Variants in FAT2 observed in about 807,000 individuals in gnomAD.
FAT2 encodes the protein FAT atypical cadherin 2, also known as protocadherin Fat 2.
A neutral mutation model predicts 295.3 loss-of-function variants in FAT2; 150 were observed. The ratio of observed to expected loss-of-function variants is 0.51; its 90% CI spans 0.44 to 0.58. The LOEUF (loss-of-function observed/expected upper bound fraction) is 0.58. Ranked by LOEUF, FAT2 falls within the 20% of genes least tolerant of loss-of-function variation. FAT2 has a pLI of 0.00. For synonymous variants in FAT2, 2,026 were observed against 2,150.3 expected, an observed-to-expected ratio of 0.94 and a Z score of 1.60; for missense variants, 4,868 against 5,442.7, an observed-to-expected ratio of 0.89 and a Z score of 3.32.
intron 20 of FAT2, among the ~76,000 whole-genome samples, chr5:151,513,710 A>G (rs1037277595): frequency 1.3e-5 from 2 of 152,232 alleles, no homozygotes; most frequent in African/African-American, 4.8e-5. Context: ...GGTTACCCGT[A>G]TAACAAACCT....
Position 151,521,250 on chromosome 5 carries a change from G to A in FAT2, c.11317+26C>T, listed in dbSNP as rs74767229. The A allele has an allele frequency of 3.8e-5, 59 of 1,569,804 alleles. No homozygotes were observed. The East Asian group carries it at 5.9e-4, about 16-fold the overall frequency. On this transcript the variant is annotated intron_variant, in intron 19 of 23. Transcript: ENST00000261800. ...CGGGCTGAGCCCAGCAGTGCTGCTC[G>A]TCCCTAGGGAAGATGTAGTACTTAC... is the stretch of plus-strand genomic sequence containing the variant.
At chr5:151,529,113 G>A (rs1754322974) in intron 15 of FAT2, 65 bp downstream of exon 15, 1 of 1,359,558 alleles carries the variant, frequency 7.4e-7, no homozygotes, top group South Asian at 1.2e-5. Flanking sequence ...GGCTGGGTGT[G>A]GGGGTGAGAT....
rs1387669552 is a variant in FAT2 at position 151,528,745 on chromosome 5, T to C, written c.10026+433A>G. ...TGGACAGAACTGGGTTTCACTCCATTGAATGAGGGAGTTATTGCATATTTA... is the reference window on the plus strand; with the variant it reads ...TGGACAGAACTGGGTTTCACTCCATCGAATGAGGGAGTTATTGCATATTTA... On this transcript the variant is annotated intron_variant, in intron 15 of 23. Coordinates refer to ENST00000261800, the MANE Select transcript of FAT2 (RefSeq NM_001447.3). 3.3e-5 allele frequency among the ~76,000 whole-genome samples: 5 copies of C among 152,204 alleles called. No individual in the cohort carries two copies. The East Asian group carries it at 9.7e-4, about 29-fold the overall frequency.
chr5:151,588,474 C>T (rs909968657), intron 1 of FAT2, among the ~76,000 whole-genome samples: 6 of 152,198 alleles, frequency 3.9e-5, no homozygotes, highest in African/African-American at 1.4e-4. Flanking sequence ...GATCTCTAAG[C>T]GCCCTTCCAC....
At chr5:151,532,551 G>A (rs1467297995) in intron 13 of FAT2, among the ~76,000 whole-genome samples, 1 of 152,220 alleles carries the variant, frequency 6.6e-6, no homozygotes, top group Admixed American at 6.5e-5. Flanking sequence ...CATTAGGGAA[G>A]CTGCATGAAG....
At chr5:151,556,425 G>C in intron 3 of FAT2, 23 bp from the exon 4 acceptor site, 1 of 1,598,524 alleles carries the variant, frequency 6.3e-7, no homozygotes, top group Non-Finnish European at 8.6e-7. Flanking sequence ...TGATAAGGGA[G>C]AGACATGAGC....
rs1207728710 is a variant in FAT2 at position 151,568,147 on chromosome 5, G to A, written c.785C>T (p.Thr262Ile). Reference protein sequence around the residue: ...KPPAIASVVVTPPDSNDGTTY... With the variant: ...KPPAIASVVVIPPDSNDGTTY... ...GGTACCATCATTGCTGTCTGGTGGA[G>A]TCACCACCACCGAAGCAATGGCTGG... is the stretch of plus-strand genomic sequence containing the variant. Residue 262 changes from threonine (T) to isoleucine (I), a missense_variant, in exon 2 of 24, where the codon ACT becomes ATT. By Grantham distance (89) the Thr-to-Ile change is moderately conservative (BLOSUM62 -1). Coordinates refer to ENST00000261800, the MANE Select transcript of FAT2 (RefSeq NM_001447.3). 6.2e-7 allele frequency: 1 copy of A among 1,614,176 alleles called. No individual in the cohort carries two copies. Among genetic ancestry groups the A allele is most frequent in the Non-Finnish European group, 8.5e-7 (1 of 1,180,024 alleles).
rs1163615488 is a variant in FAT2 at position 151,542,933 on chromosome 5, G to A, written c.8194C>T (p.Pro2732Ser). The stretch of plus-strand genomic sequence containing the variant: ...AAGACACCATCCTTGTTGCTCTCAG[G>A]TGTAGTGCCCCGCACTAGACTGTAG... ...VIYSLVRGTT[P>S]ESNKDGVFSL... The change falls in exon 10 of 24, where the codon CCT becomes TCT. Residue 2732 changes from proline to serine, a missense_variant. Physicochemically the swap from Pro to Ser is moderately conservative, Grantham distance 74. This residue lies in a region of FAT2 where 3,297 missense variants were observed against 3,669.4 expected (regional missense o/e 0.90). Coordinates refer to ENST00000261800, the MANE Select transcript of FAT2 (RefSeq NM_001447.3). The A allele has an allele frequency of 1.9e-6, 3 of 1,614,080 alleles. No homozygotes were observed. Among genetic ancestry groups the A allele is most frequent in the Admixed American group, 1.7e-5 (1 of 60,006 alleles).
chr5:151,590,998 G>A (rs1759380603), intron 1 of FAT2, among the ~76,000 whole-genome samples, 167 bp downstream of exon 1: 1 of 152,184 alleles, frequency 6.6e-6, no homozygotes, highest in Non-Finnish European at 1.5e-5. Flanking sequence ...AGATGATCCA[G>A]GCCCAGATGT....
intron 14 of FAT2, among the ~76,000 whole-genome samples, chr5:151,530,716 GTTC>G (rs1754498968): frequency 6.6e-6 from 1 of 152,286 alleles, no homozygotes; most frequent in Admixed American, 6.5e-5. Flanking sequence ...TAGAAAAGGA[GTTC>G]TTATTATACA....
At chr5:151,593,125 ACTGTGATCGACTCCCAGGGAGC>A (rs1759478326), upstream of FAT2, among the ~76,000 whole-genome samples, 1 of 152,204 alleles carries the variant, frequency 6.6e-6, no homozygotes. Flanking sequence ...GAGGGGACCT[ACTGTGATCGACTCCCAGGGAGC>A]CTGTGATCAA....
In FAT2 at chr5:151,529,003, G is replaced by A. The variant is rs80262710; in HGVS notation, c.10026+175C>T. Among the ~76,000 whole-genome samples the A allele has an allele frequency of 2.3e-3, 345 of 152,210 alleles. 3 individuals carry two copies. Among genetic ancestry groups the A allele is most frequent in the African/African-American group, 7.8e-3 (325 of 41,518 alleles). The stretch of plus-strand genomic sequence containing the variant: ...TTCTCTCAGGAGAGATAGTTTGGCC[G>A]AGCATTGTTTGGCCATACTCAAATC... On this transcript the variant is annotated intron_variant, in intron 15 of 23. Coordinates refer to ENST00000261800, the MANE Select transcript of FAT2 (RefSeq NM_001447.3).
chr5:151,536,634 G>A (rs1485543726), intron 12 of FAT2, among the ~76,000 whole-genome samples: 1 of 152,148 alleles, frequency 6.6e-6, no homozygotes, highest in Non-Finnish European at 1.5e-5. Flanking sequence ...AGGAATCTCT[G>A]CTTCCCACTC....
chr5:151,506,266 A>G (rs183438757), intron 23 of FAT2, among the ~76,000 whole-genome samples, 169 bp from the exon 24 acceptor site: 255 of 152,326 alleles, frequency 1.7e-3, no homozygotes, highest in Middle Eastern at 3.4e-3. Context: ...ATAGAATCCA[A>G]TGGGACAAGC....
Position 151,545,021 on chromosome 5 carries a change from G to C in FAT2, c.6106C>G (p.His2036Asp), listed in dbSNP as rs149092969. The change falls in exon 10 of 24, where the codon CAT becomes GAT. Residue 2036 changes from histidine (H) to aspartate (D), a missense_variant. Physicochemically the swap from His to Asp is moderately conservative, Grantham distance 81. This residue lies in a region of FAT2 where 3,297 missense variants were observed against 3,669.4 expected (regional missense o/e 0.90). Transcript: ENST00000261800. ...TCCCTCACTTCCACTGCCAACTCAT[G>C]AGTGTCCTGCTGCTCCCGGTCAAAC... ...VAFDREQQDT[H>D]ELAVEVRDNR... The C allele has an allele frequency of 3.1e-6, 5 of 1,614,210 alleles. No homozygotes were observed. The Admixed American group carries it at 6.7e-5, about 22-fold the overall frequency.
intron 1 of FAT2, among the ~76,000 whole-genome samples, chr5:151,588,955 T>C (rs1759292440): frequency 6.6e-6 from 1 of 152,180 alleles, no homozygotes; most frequent in African/African-American, 2.4e-5. Context: ...TTAGAGAAGT[T>C]GAGGCCCAGG....
Position 151,550,597 on chromosome 5 carries a change from G to C in FAT2, c.4571C>G (p.Thr1524Arg), listed in dbSNP as rs1251797034. Residue 1524 changes from threonine (T) to arginine (R), a missense_variant, in exon 8 of 24, where the codon ACA becomes AGA. This residue lies in a region of FAT2 where 3,297 missense variants were observed against 3,669.4 expected (regional missense o/e 0.90). Coordinates refer to ENST00000261800, the MANE Select transcript of FAT2 (RefSeq NM_001447.3). ...LGSGPSQHTL[T>R]VMVRDQEIPI... is the part of the protein sequence containing the mutation. ...ATTTTTCCATTTACTCACCATGACT[G>C]TCAGTGTGTGCTGGGAGGGCCCCGA... 6.2e-6 allele frequency: 10 copies of C among 1,614,084 alleles called. No homozygotes were observed. In the South Asian group the frequency reaches 9.9e-5, roughly 16 times the overall value.
At position 151,563,408 on chromosome 5, in the gene FAT2, G is replaced by A. The variant is rs2304053; in HGVS notation, c.3491C>T (p.Pro1164Leu). 0.49 allele frequency: 788,535 copies of A among 1,613,358 alleles called. 197,609 individuals are homozygous for A. Among genetic ancestry groups the A allele is most frequent in the Non-Finnish European group, 0.52 (615,262 of 1,179,410 alleles). ...TSVLQLDAWDPDSSSKGKLTF... is the reference protein window; with the variant it reads ...TSVLQLDAWDLDSSSKGKLTF... The stretch of plus-strand genomic sequence containing the variant: ...CAGCTTCCCTTTGGAGCTGGAGTCT[G>A]GGTCCCAGGCATCCAGTTGAAGCAC... Residue 1164 changes from proline (P) to leucine (L), a missense_variant, in exon 3 of 24, where the codon CCA becomes CTA. Transcript: ENST00000261800.
chr5:151,542,402 C>T lies in FAT2; in HGVS notation c.8725G>A (p.Glu2909Lys). The T allele has an allele frequency of 6.2e-7, 1 of 1,614,208 alleles. No individual in the cohort carries two copies. Among genetic ancestry groups the T allele is most frequent in the Non-Finnish European group, 8.5e-7 (1 of 1,180,054 alleles). The change falls in exon 10 of 24, where the codon GAA becomes AAA. Residue 2909 changes from glutamate (E) to lysine (K), a missense_variant. Transcript: ENST00000261800. ...TCAACCACAGATCCTCTGTACTCTT[C>T]AGAAGCAAATCGGGGAGCATTGTCA... Reference protein sequence around the residue: ...ENDNAPRFASEEYRGSVVENS... With the variant: ...ENDNAPRFASKEYRGSVVENS...
Sources: gnomAD v4.1 joint callset for allele counts (sites outside exome capture counted in the v4.1 genomes callset) on GRCh38, gnomAD v4.1.1 for gene constraint, gnomAD v4.1.1 regional missense constraint, MANE v1.5 for transcripts, NCBI Gene and HGNC (gene_info 2026-07-23, HGNC 2026-07-21) for gene names.